The following MSL2 variants were observed in gnomAD, a reference collection of about 807,000 sequenced individuals.
MSL2 encodes the protein MSL complex subunit 2.
Under a neutral mutation model 35.8 loss-of-function variants are expected in MSL2, and 2 were observed. That is an observed-to-expected ratio of 0.06 (90% CI 0.02 to 0.18). The LOEUF is 0.18. Ranked by LOEUF, MSL2 falls within the 10% of genes least tolerant of loss-of-function variation. The pLI is 1.00. For missense variants in MSL2, 523 were observed against 706.7 expected (o/e 0.74, Z 2.95); for synonymous variants, 296 against 255.7 (o/e 1.16, Z -1.50).
intron 1 of MSL2, among the ~76,000 whole-genome samples, chr3:136,165,052 T>G (rs1192013639): frequency 6.6e-6 from 1 of 152,098 alleles, no homozygotes; most frequent in Non-Finnish European, 1.5e-5. Flanking sequence ...TTTTTGTATT[T>G]TTAGTAGAGA....
At chr3:136,157,576 G>A (rs905683574) in intron 1 of MSL2, among the ~76,000 whole-genome samples, 1 of 152,032 alleles carries the variant, frequency 6.6e-6, no homozygotes, top group Admixed American at 6.6e-5. Flanking sequence ...AAACCAAAGA[G>A]AAAAATAAAT....
chr3:136,195,700 G>A lies in MSL2; in HGVS notation c.-587C>T, dbSNP rs1428619561. On this transcript the variant is annotated 5_prime_UTR_variant, in exon 1 of 2. Coordinates refer to ENST00000309993, the MANE Select transcript of MSL2 (RefSeq NM_018133.4). ...GACGAAGGTTGATGTTGCGGCTGGCGGACGCCGCCGCCGCGCTCTCCATAT... is the reference window on the plus strand; with the variant it reads ...GACGAAGGTTGATGTTGCGGCTGGCAGACGCCGCCGCCGCGCTCTCCATAT... The A allele has an allele frequency of 5.7e-5, 56 of 985,182 alleles. No individual in the cohort carries two copies. The highest frequency in any genetic ancestry group is 6.5e-5 in the Non-Finnish European group (54 of 829,896). The allele number at this position is 985,182 out of a possible 1,614,324, so 61.0% of individuals were successfully genotyped here. A position where few individuals can be genotyped will look rare whatever the true frequency, so the allele number is the denominator to read the frequency against.
chr3:136,181,578 G>T (rs1047893717), intron 1 of MSL2, among the ~76,000 whole-genome samples: 5 of 152,074 alleles, frequency 3.3e-5, no homozygotes, highest in Non-Finnish European at 7.3e-5. Flanking sequence ...TCTGTAAATG[G>T]TAAGCTCCAA....
At chr3:136,152,820 A>C in intron 1 of MSL2, 82 bp from the exon 2 acceptor site, 1 of 1,514,800 alleles carries the variant, frequency 6.6e-7, no homozygotes, top group Non-Finnish European at 8.8e-7. Context: ...TGACATAAGT[A>C]GTCTATCAAA....
chr3:136,152,122 G>A lies in MSL2; in HGVS notation c.759C>T (p.Ile253=), dbSNP rs762218473. The stretch of plus-strand genomic sequence containing the variant: ...GTTTTATATCTTCACTGAAACTGCA[G>A]ATATCAATGCCTGTGGAACATAAGT... ...ATDLCSTGID[I]CSFSEDIKPG... Residue 253 remains isoleucine (I), a synonymous_variant, in exon 2 of 2, where the codon ATC becomes ATT. Coordinates refer to ENST00000309993, the MANE Select transcript of MSL2 (RefSeq NM_018133.4). 26 of 1,614,050 alleles carry A rather than the reference G, an allele frequency of 1.6e-5. No homozygotes were observed. Among genetic ancestry groups the A allele is most frequent in the Middle Eastern group, 1.6e-4 (1 of 6,084 alleles).
intron 1 of MSL2, among the ~76,000 whole-genome samples, chr3:136,171,027 G>A (rs1395205803): frequency 6.6e-6 from 1 of 152,106 alleles, no homozygotes; most frequent in African/African-American, 2.4e-5. Context: ...TCCTAATGAT[G>A]AATGTTTTCT....
chr3:136,189,107 A>C (rs1940606633), intron 1 of MSL2, among the ~76,000 whole-genome samples: 2 of 97,128 alleles, frequency 2.1e-5, no homozygotes, highest in South Asian at 7.2e-4. Context: ...CCCTGTCTCT[A>C]CAAAAAAAAA....
chr3:136,177,680 TAAAAAAA>T (rs397738424), intron 1 of MSL2, among the ~76,000 whole-genome samples: 20 of 78,474 alleles, frequency 2.5e-4, no homozygotes, highest in Admixed American at 1.8e-3. Context: ...CTCCGTCTCA[TAAAAAAA>T]AAAAAAAAAA....
intron 1 of MSL2, among the ~76,000 whole-genome samples, chr3:136,159,711 T>A (rs972971361): frequency 4.6e-5 from 7 of 151,608 alleles, no homozygotes; most frequent in African/African-American, 1.5e-4. Flanking sequence ...CAATTTGATA[T>A]CCAAATGCCA....
intron 1 of MSL2, among the ~76,000 whole-genome samples, chr3:136,189,883 C>T (rs981086070): frequency 2.6e-5 from 4 of 152,060 alleles, no homozygotes; most frequent in African/African-American, 9.7e-5. Flanking sequence ...TGGTTAATTT[C>T]TGAAACTTTA....
intron 1 of MSL2, among the ~76,000 whole-genome samples, chr3:136,194,169 G>C (rs1217237771): frequency 6.6e-6 from 1 of 152,078 alleles, no homozygotes; most frequent in Non-Finnish European, 1.5e-5. Flanking sequence ...TTTCAGTCCA[G>C]GTTTTTCGAA....
rs1327671001 is a variant in MSL2, at chr3:136,195,664, G to A, written c.-551C>T. 2 of 979,854 alleles carry A rather than the reference G, an allele frequency of 2.0e-6. No individual in the cohort carries two copies. Among genetic ancestry groups the A allele is most frequent in the Admixed American group, 6.2e-5 (1 of 16,260 alleles). 60.7% of individuals were successfully genotyped at this position (979,854 alleles called of 1,614,324 possible). A position where few individuals can be genotyped will look rare whatever the true frequency, so the allele number is the denominator to read the frequency against. On this transcript the variant is annotated 5_prime_UTR_variant, in exon 1 of 2. Coordinates refer to ENST00000309993, the MANE Select transcript of MSL2 (RefSeq NM_018133.4). ...CGGCTTCCCGGATCTAGTGCAAGAC[G>A]CCGCGGCGGCGACGAAGGTTGATGT...
At chr3:136,194,436 C>A in intron 1 of MSL2, 1 of 985,416 alleles carries the variant, frequency 1.0e-6, no homozygotes, top group East Asian at 1.1e-4. Context: ...TTCCCCGGCT[C>A]GCTGTTAACC....
intron 1 of MSL2, among the ~76,000 whole-genome samples, chr3:136,184,547 G>C (rs529613231): frequency 4.6e-5 from 7 of 151,634 alleles, no homozygotes; most frequent in African/African-American, 7.3e-5. Context: ...AGGTTGCAGC[G>C]AGCCGAGATC....
At chr3:136,190,714 A>T (rs1426822494) in intron 1 of MSL2, among the ~76,000 whole-genome samples, 1 of 152,232 alleles carries the variant, frequency 6.6e-6, no homozygotes, top group Non-Finnish European at 1.5e-5. Flanking sequence ...AGTTTAATGA[A>T]AACATAAAAT....
rs1296548076 is a variant in MSL2, at chr3:136,185,528, CT to C, written c.142+9443del. On this transcript the variant is annotated intron_variant, in intron 1 of 1. Coordinates refer to ENST00000309993, the MANE Select transcript of MSL2 (RefSeq NM_018133.4). ...TAACTTGGGACACAACTCTTTTTTT[CT>C]TTTTTTTTGGAGGGGGGGGTGGGGG... Among the ~76,000 whole-genome samples, 80 of 74,644 alleles carry C rather than the reference CT, an allele frequency of 1.1e-3. No individual in the cohort carries two copies. The East Asian group carries it at 0.016, about 15-fold the overall frequency. The allele number at this position is 74,644 out of a possible 152,430, so 49.0% of individuals were successfully genotyped here.
chr3:136,192,816 T>C (rs1940727523), intron 1 of MSL2, among the ~76,000 whole-genome samples: 1 of 152,214 alleles, frequency 6.6e-6, no homozygotes, highest in Admixed American at 6.5e-5. Flanking sequence ...TCCACGAATT[T>C]GAATGCACTA....
At chr3:136,164,032 G>T (rs1184769030) in intron 1 of MSL2, among the ~76,000 whole-genome samples, 1 of 152,160 alleles carries the variant, frequency 6.6e-6, no homozygotes, top group Non-Finnish European at 1.5e-5. Flanking sequence ...ATGCATAAAT[G>T]CAATGAAATG....
chr3:136,165,589 A>T (rs1024785034), intron 1 of MSL2, among the ~76,000 whole-genome samples: 2 of 152,220 alleles, frequency 1.3e-5, no homozygotes, highest in African/African-American at 4.8e-5. Flanking sequence ...TTAATGAGTG[A>T]ATCTTTTTAT....
Sources: gnomAD v4.1 joint callset for allele counts (sites outside exome capture counted in the v4.1 genomes callset) on GRCh38, gnomAD v4.1.1 for gene constraint, MANE v1.5 for transcripts, NCBI Gene and HGNC (gene_info 2026-07-23, HGNC 2026-07-21) for gene names.